Variants in CYP3A5 observed in about 807,000 individuals in gnomAD.
CYP3A5 encodes the protein cytochrome P450 family 3 subfamily A member 5, also known as cytochrome P450 3A5.
A neutral mutation model predicts 55.9 loss-of-function variants in CYP3A5; 51 were observed. The observed-to-expected ratio is 0.91, with a 90% CI of 0.73 to 1.15. CYP3A5 has a LOEUF of 1.15. CYP3A5 is among the 50% of genes most tolerant of loss of function. The pLI is 0.00. For synonymous variants in CYP3A5, 196 were observed against 213.9 expected, an observed-to-expected ratio of 0.92 and a Z score of 0.73; for missense variants, 533 against 596.6, an observed-to-expected ratio of 0.89 and a Z score of 1.11.
chr7:99,665,147 G>T lies in CYP3A5; in HGVS notation c.670+19C>A. On this transcript the variant is annotated intron_variant, in intron 7 of 12. Transcript: ENST00000222982. ...GCAGTTATTTTTAAAAAGAGAGAAA[G>T]AAATAATAGCCCACATACTTATTGA... 2 of 1,563,670 alleles carry T rather than the reference G, an allele frequency of 1.3e-6. No individual in the cohort carries two copies. Among genetic ancestry groups the T allele is most frequent in the Admixed American group, 1.9e-5 (1 of 52,652 alleles).
At chr7:99,648,933 T>C (rs1808884453) in intron 12 of CYP3A5, among the ~76,000 whole-genome samples, 1 of 152,164 alleles carries the variant, frequency 6.6e-6, no homozygotes, top group South Asian at 2.1e-4. Flanking sequence ...CTTTTCTTTT[T>C]AACATCTCCT....
intron 10 of CYP3A5, among the ~76,000 whole-genome samples, chr7:99,656,043 C>T (rs1809692005): frequency 6.6e-6 from 1 of 152,164 alleles, no homozygotes; most frequent in East Asian, 1.9e-4. Flanking sequence ...AATTTGACTT[C>T]CTCTTTTCCT....
chr7:99,661,738 T>G (rs1810470469), intron 9 of CYP3A5, among the ~76,000 whole-genome samples: 1 of 152,244 alleles, frequency 6.6e-6, no homozygotes, highest in African/African-American at 2.4e-5. Context: ...TGTATGCTGC[T>G]GTGGGTAAAT....
chr7:99,663,444 G>A (rs1308300201), intron 8 of CYP3A5: 2 of 989,664 alleles, frequency 2.0e-6, no homozygotes, highest in African/African-American at 1.7e-5. Flanking sequence ...GCAAAGCTGA[G>A]TTAGCCAGCC....
At position 99,648,313 on chromosome 7, in the gene CYP3A5, C is replaced by T; in HGVS notation, c.1501G>A (p.Gly501Arg). 6.2e-7 allele frequency: 1 copy of T among 1,612,458 alleles called. No individual in the cohort carries two copies. The highest frequency in any genetic ancestry group is 1.3e-5 in the African/African-American group (1 of 75,026). The stretch of plus-strand genomic sequence containing the variant: ...GAAATCCTTAGAATAACTCATTCTC[C>T]ACTTAGGGTTCCATCTCTTGAATCC... ...KVDSRDGTLS[G>R]E Residue 501 changes from glycine (G) to arginine (R), a missense_variant, in exon 13 of 13, where the codon GGA becomes AGA. By Grantham distance (125) the Gly-to-Arg change is moderately radical. Coordinates refer to ENST00000222982, the MANE Select transcript of CYP3A5 (RefSeq NM_000777.5).
At chr7:99,671,127 G>A (rs1162048309) in intron 4 of CYP3A5, 1 of 100,140 alleles carries the variant, frequency 1.0e-5, no homozygotes, top group East Asian at 3.0e-4. Flanking sequence ...TTGTGTGTGT[G>A]TGTGTGTGTG....
At chr7:99,678,841 T>C (rs889478251) in intron 1 of CYP3A5, among the ~76,000 whole-genome samples, 1 of 152,164 alleles carries the variant, frequency 6.6e-6, no homozygotes, top group African/African-American at 2.4e-5. Flanking sequence ...TTAATAAAAG[T>C]CAAATTGAGG....
intron 2 of CYP3A5, among the ~76,000 whole-genome samples, chr7:99,674,882 C>T (rs1563003209): frequency 1.3e-5 from 2 of 152,156 alleles, no homozygotes. Flanking sequence ...TTCTTTTATT[C>T]TCTCTAAAGT....
At position 99,679,986 on chromosome 7, in the gene CYP3A5, C is replaced by T. The variant is rs1446383783; in HGVS notation, c.-90G>A. The stretch of plus-strand genomic sequence containing the variant: ...GGGCTGTTTGCCTGGAGCTTCCCTG[C>T]CCTGCACAGCAGTCTTCAGCCAAGC... On this transcript the variant is annotated 5_prime_UTR_variant, in exon 1 of 13. Transcript: ENST00000222982. 4.5e-6 allele frequency: 5 copies of T among 1,105,124 alleles called. No individual in the cohort carries two copies. The highest frequency in any genetic ancestry group is 7.0e-6 in the Non-Finnish European group (5 of 718,418). The allele number at this position is 1,105,124 out of a possible 1,614,324, so 68.5% of individuals were successfully genotyped here.
intron 10 of CYP3A5, among the ~76,000 whole-genome samples, chr7:99,657,239 T>G (rs1377750903): frequency 1.3e-5 from 2 of 152,242 alleles, no homozygotes; most frequent in South Asian, 2.1e-4. Flanking sequence ...AATTTCCCTC[T>G]ACACATTGCT....
Position 99,667,030 on chromosome 7 carries a change from G to A in CYP3A5, c.354C>T (p.Ile118=), listed in dbSNP as rs372748297. Residue 118 remains isoleucine (I), a synonymous_variant, in exon 5 of 13, where the codon ATC becomes ATT. Transcript: ENST00000222982. The part of the protein sequence containing the change: ...LGPVGFMKSA[I]SLAEDEEWKR... ...TCCATTCTTCATCCTCAGCTAAAGA[G>A]ATGGCACTTTTCATAAATCCCACTG... 79 of 1,613,968 alleles carry A rather than the reference G, an allele frequency of 4.9e-5. No individual in the cohort carries two copies. Among genetic ancestry groups the A allele is most frequent in the Non-Finnish European group, 6.5e-5 (77 of 1,179,990 alleles).
At chr7:99,663,773 T>C (rs1259768002) in intron 8 of CYP3A5, 195 bp downstream of exon 8, 3 of 1,252,672 alleles carry the variant, frequency 2.4e-6, no homozygotes, top group Non-Finnish European at 3.0e-6. Flanking sequence ...TTTCAAGTTT[T>C]AAATGCTATC....
chr7:99,673,505 T>C (rs1811893573), intron 3 of CYP3A5, among the ~76,000 whole-genome samples: 1 of 152,204 alleles, frequency 6.6e-6, no homozygotes, highest in Non-Finnish European at 1.5e-5. Flanking sequence ...AATAAATATT[T>C]GTATATCCTT....
intron 1 of CYP3A5, 52 bp downstream of exon 1, chr7:99,679,774 T>C (rs59514026): frequency 4.0e-4 from 629 of 1,566,324 alleles, no homozygotes; most frequent in Non-Finnish European, 5.3e-4. Context: ...AGGGGCCCGA[T>C]TAGCACCCCA....
At chr7:99,658,864 T>G (rs1442329762) in intron 10 of CYP3A5, 1 of 152,266 alleles carries the variant, frequency 6.6e-6, no homozygotes, top group African/African-American at 2.4e-5. Context: ...TTTCTTCCAG[T>G]TGATTGAATT....
intron 10 of CYP3A5, chr7:99,658,687 C>G (rs1007256152): frequency 2.5e-4 from 38 of 152,118 alleles, no homozygotes; most frequent in Admixed American, 2.4e-3. Context: ...TTTCCAACTT[C>G]GTTCTATTCT....
chr7:99,649,714 T>C (rs1399442699), intron 12 of CYP3A5, among the ~76,000 whole-genome samples: 3 of 152,210 alleles, frequency 2.0e-5, no homozygotes, highest in Non-Finnish European at 4.4e-5. Flanking sequence ...ATGAGAGAGC[T>C]TCTGCAGGTT....
At chr7:99,652,886 C>T (rs774662615) in intron 10 of CYP3A5, 107 bp from the exon 11 acceptor site, 46 of 784,042 alleles carry the variant, frequency 5.9e-5, no homozygotes, top group Non-Finnish European at 8.2e-5. Context: ...ATAACTCATA[C>T]TGGTAAATGA....
chr7:99,653,879 C>T lies in CYP3A5; in HGVS notation c.1027-1100G>A, dbSNP rs995656763. ...AGCTCAGGAGTCAGATACCCTGGTT[C>T]CTAGCTTGGCTTCTTGGCCAGTGGC... is the stretch of plus-strand genomic sequence containing the variant. On this transcript the variant is annotated intron_variant, in intron 10 of 12. Transcript: ENST00000222982. The surrounding 1 kb of genome is among the most constrained non-coding windows in gnomAD (Gnocchi z 4.2). 6.6e-6 allele frequency among the ~76,000 whole-genome samples: 1 copy of T among 152,204 alleles called. No individual in the cohort carries two copies. The highest frequency in any genetic ancestry group is 2.4e-5 in the African/African-American group (1 of 41,442).
Sources: allele counts gnomAD v4.1 joint callset (sites outside exome capture counted in the v4.1 genomes callset), GRCh38; gene constraint gnomAD v4.1.1; non-coding constraint Gnocchi (gnomAD v3.1); transcripts MANE v1.5; gene names NCBI Gene and HGNC (gene_info 2026-07-23, HGNC 2026-07-21).